ZFAT: variants seen among roughly 807,000 people sequenced by gnomAD.
The protein encoded by ZFAT is zinc finger protein ZFAT.
In ZFAT, 64 loss-of-function variants were observed where a neutral mutation model predicts 117.7. The ratio of observed to expected loss-of-function variants is 0.54; its 90% confidence interval spans 0.44 to 0.67. ZFAT has a LOEUF of 0.67. ZFAT is among the 30% of genes least tolerant of loss of function. The pLI is 0.00. For missense variants in ZFAT, 1,433 were observed against 1,584.5 expected (o/e 0.90, Z 1.62); for synonymous variants, 679 against 615.0 (o/e 1.10, Z -1.54).
At chr8:134,584,108 A>T in intron 9 of ZFAT, 103 bp from the exon 10 acceptor site, 1 of 1,230,048 alleles carries the variant, frequency 8.1e-7, no homozygotes, top group Non-Finnish European at 1.1e-6. Flanking sequence ...ACACTTATAG[A>T]TATGTATATA....
intron 13 of ZFAT, among the ~76,000 whole-genome samples, chr8:134,520,252 G>A (rs1820554310): frequency 6.6e-6 from 1 of 152,098 alleles, no homozygotes; most frequent in African/African-American, 2.4e-5. Flanking sequence ...CAGCCTGTAG[G>A]GCACAGGACA....
chr8:134,592,865 G>C (rs544984144), intron 7 of ZFAT, among the ~76,000 whole-genome samples: 1 of 152,216 alleles, frequency 6.6e-6, no homozygotes, highest in Non-Finnish European at 1.5e-5. Context: ...AAGTCCTTCT[G>C]AACAACCAAA....
chr8:134,773,399 T>G, the ZFAT span, among the ~76,000 whole-genome samples: 9 of 152,366 alleles, frequency 5.9e-5, no homozygotes, highest in African/African-American at 2.2e-4. Context: ...CACCTAGTTG[T>G]TGAGGAGCTC....
chr8:134,813,868 A>T, the ZFAT span, among the ~76,000 whole-genome samples: 34 of 151,862 alleles, frequency 2.2e-4, 1 homozygote, highest in Middle Eastern at 0.01. Context: ...TAGATTAAAA[A>T]ATATATATAT....
chr8:134,582,110 C>T lies in ZFAT; in HGVS notation c.2887+1722G>A, dbSNP rs542995312. The stretch of plus-strand genomic sequence containing the variant: ...AGACATCTTTGTCCATCTGAACTCC[C>T]TTTCCTGCCGAAGAACTCAGAGAAT... On this transcript the variant is annotated intron_variant, in intron 10 of 15. Transcript: ENST00000377838. 2.7e-3 allele frequency among the ~76,000 whole-genome samples: 408 copies of T among 152,330 alleles called. 1 individual carries two copies. The highest frequency in any genetic ancestry group is 5.1e-3 in the Non-Finnish European group (347 of 68,034).
intron 2 of ZFAT, among the ~76,000 whole-genome samples, chr8:134,638,440 TC>T (rs1329266492): frequency 6.6e-6 from 1 of 151,576 alleles, no homozygotes; most frequent in Non-Finnish European, 1.5e-5. Context: ...GCGCGGTGGC[TC>T]ACGCCTGTAA....
chr8:134,735,455 CTTTA>C, the ZFAT span, among the ~76,000 whole-genome samples: 2 of 152,204 alleles, frequency 1.3e-5, no homozygotes, highest in African/African-American at 2.4e-5. Flanking sequence ...TTACAAAACA[CTTTA>C]TTTACAAAAA....
the ZFAT span, among the ~76,000 whole-genome samples, chr8:134,828,257 C>A: frequency 6.6e-6 from 1 of 152,148 alleles, no homozygotes; most frequent in Non-Finnish European, 1.5e-5. Flanking sequence ...ATCAATGGCA[C>A]CATTCAAGCT....
At chr8:134,642,920 G>C (rs1038663317) in intron 2 of ZFAT, among the ~76,000 whole-genome samples, 2 of 152,216 alleles carry the variant, frequency 1.3e-5, no homozygotes, top group African/African-American at 4.8e-5. Context: ...AGGTTTATGA[G>C]GAATGCAACA....
chr8:134,795,176 G>C, the ZFAT span: 1 of 152,176 alleles, frequency 6.6e-6, no homozygotes, highest in African/African-American at 2.4e-5. Context: ...TTGTAAGAAT[G>C]TCATTTGTAT....
intron 2 of ZFAT, among the ~76,000 whole-genome samples, chr8:134,653,141 G>A (rs1831352494): frequency 7.0e-6 from 1 of 143,348 alleles, no homozygotes; most frequent in Admixed American, 7.1e-5. Context: ...AGAGAAGGTC[G>A]GGTTTTTGGT....
intron 13 of ZFAT, among the ~76,000 whole-genome samples, chr8:134,513,795 A>G (rs1003608195): frequency 6.6e-6 from 1 of 152,258 alleles, no homozygotes; most frequent in Non-Finnish European, 1.5e-5. Flanking sequence ...TCAGTAAATG[A>G]CATAGAGGTT....
chr8:134,501,869 A>G (rs1819005482), intron 15 of ZFAT, among the ~76,000 whole-genome samples: 1 of 152,296 alleles, frequency 6.6e-6, no homozygotes, highest in East Asian at 1.9e-4. Flanking sequence ...AATGGGATGG[A>G]CTTCACTCAA....
rs142528748 is a variant in ZFAT at position 134,666,360 on chromosome 8, A to G, written c.20-8623T>C. ...AAAACCGAAGATTTAAATGAGATCC[A>G]GACTCTCATAACATAATACTGAAAA... On this transcript the variant is annotated intron_variant, in intron 1 of 15. Coordinates refer to ENST00000377838, the MANE Select transcript of ZFAT (RefSeq NM_020863.4). Among the ~76,000 whole-genome samples, 726 of 152,364 alleles carry G rather than the reference A, an allele frequency of 4.8e-3. 7 individuals carry two copies. Among genetic ancestry groups the G allele is most frequent in the African/African-American group, 0.016 (678 of 41,578 alleles).
chr8:134,726,363 T>C, the ZFAT span, among the ~76,000 whole-genome samples: 1 of 152,224 alleles, frequency 6.6e-6, no homozygotes, highest in East Asian at 1.9e-4. Flanking sequence ...GCATGAGCAG[T>C]GGCCTGCTAG....
the ZFAT span, chr8:134,796,546 C>T: frequency 6.6e-6 from 1 of 152,146 alleles, no homozygotes; most frequent in Non-Finnish European, 1.5e-5. Flanking sequence ...AATGTTCCTT[C>T]TCCTGCATTG....
intron 15 of ZFAT, among the ~76,000 whole-genome samples, chr8:134,508,154 G>A (rs1199435507): frequency 1.3e-5 from 2 of 152,192 alleles, no homozygotes; most frequent in African/African-American, 4.8e-5. Context: ...CATTCATCTA[G>A]ATATGCTAAG....
chr8:134,728,270 C>T, the ZFAT span, among the ~76,000 whole-genome samples: 9 of 151,766 alleles, frequency 5.9e-5, no homozygotes, highest in South Asian at 2.1e-4. Flanking sequence ...TGAAAGACCC[C>T]GCTGGCAATC....
the ZFAT span, among the ~76,000 whole-genome samples, chr8:134,790,641 T>C: frequency 2.0e-5 from 3 of 152,202 alleles, no homozygotes; most frequent in African/African-American, 7.2e-5. Context: ...AAAATATATA[T>C]GTATATTGGA....
Sources: gnomAD v4.1 joint callset for allele counts (sites outside exome capture counted in the v4.1 genomes callset) on GRCh38, gnomAD v4.1.1 for gene constraint, MANE v1.5 for transcripts, NCBI Gene and HGNC (gene_info 2026-07-23, HGNC 2026-07-21) for gene names.